The following MCRIP1 variants were observed in gnomAD, a reference collection of about 807,000 sequenced individuals.
MCRIP1 encodes the protein MAPK regulated corepressor interacting protein 1.
A neutral mutation model predicts 14.4 loss-of-function variants in MCRIP1; 10 were observed. The ratio of observed to expected loss-of-function variants is 0.70; its 90% confidence interval spans 0.43 to 1.18. The LOEUF (loss-of-function observed/expected upper bound fraction) is 1.18, where lower values mean the gene tolerates loss of function less well. Ranked by LOEUF, MCRIP1 falls within the 50% of genes most tolerant of loss-of-function variation. The probability of loss-of-function intolerance (pLI) is 0.00; values close to 1 mark genes in which losing one functional copy is unlikely to be tolerated. For synonymous variants in MCRIP1, 53 were observed against 55.7 expected, an observed-to-expected ratio of 0.95 and a Z score of 0.21; for missense variants, 119 against 135.4, an observed-to-expected ratio of 0.88 and a Z score of 0.60.
chr17:81,831,898 G>A (rs1490015529), intron 1 of MCRIP1, among the ~76,000 whole-genome samples: 1 of 152,176 alleles, frequency 6.6e-6, no homozygotes, highest in Non-Finnish European at 1.5e-5. Context: ...ATAGGGAGGG[G>A]AGTCGCATTG....
At chr17:81,828,499 C>T (rs2038456645) in intron 1 of MCRIP1, among the ~76,000 whole-genome samples, 1 of 152,124 alleles carries the variant, frequency 6.6e-6, no homozygotes, top group African/African-American at 2.4e-5. Flanking sequence ...CCATTCTGCT[C>T]CTAGGTACAC....
intron 1 of MCRIP1, chr17:81,825,537 C>T (rs542804506): frequency 3.1e-6 from 4 of 1,278,868 alleles, no homozygotes; most frequent in African/African-American, 3.0e-5. Flanking sequence ...CACACGGCTG[C>T]AGCCCTCACA....
Position 81,823,352 on chromosome 17 carries a change from TCCTGCCCATGAGGCCCGG to T in MCRIP1, c.229+42_230-42del. The T allele has an allele frequency of 6.5e-7, 1 of 1,536,316 alleles. No homozygotes were observed. The highest frequency in any genetic ancestry group is 8.7e-7 in the Non-Finnish European group (1 of 1,146,354). On this transcript the variant is annotated intron_variant, in intron 4 of 4. Transcript: ENST00000455127. The surrounding 1 kb of genome is among the most constrained non-coding windows in gnomAD (Gnocchi z 6.0). ...GCGGTAGGTGGTGGGCACAGGCCCC[TCCTGCCCATGAGGCCCGG>T]CCTGCCGGCCCAGCCCTGCCCCCAG...
At chr17:81,825,547 A>G (rs1598250037) in intron 1 of MCRIP1, 1 of 1,283,000 alleles carries the variant, frequency 7.8e-7, no homozygotes, top group East Asian at 5.6e-5. Flanking sequence ...CAGCCCTCAC[A>G]GAGGGCCAGG....
At chr17:81,830,064 G>A (rs1029786305) in intron 1 of MCRIP1, among the ~76,000 whole-genome samples, 1 of 152,222 alleles carries the variant, frequency 6.6e-6, no homozygotes, top group African/African-American at 2.4e-5. Flanking sequence ...GCATTCTGCA[G>A]GACGTGACTG....
At chr17:81,824,207 C>G in intron 3 of MCRIP1, 80 bp downstream of exon 3, 1 of 1,189,056 alleles carries the variant, frequency 8.4e-7, no homozygotes, top group Admixed American at 2.2e-5. Flanking sequence ...GGAGGTTCCT[C>G]GGAGCGTGGG....
At chr17:81,830,632 C>T (rs984841700) in intron 1 of MCRIP1, among the ~76,000 whole-genome samples, 4 of 151,658 alleles carry the variant, frequency 2.6e-5, no homozygotes, top group Non-Finnish European at 5.9e-5. Flanking sequence ...AGTGAGACTT[C>T]ATCTCAAAAA....
chr17:81,823,493 C>T lies in MCRIP1; in HGVS notation c.148G>A (p.Asp50Asn). 1 of 1,536,468 alleles carries T rather than the reference C, an allele frequency of 6.5e-7. No individual in the cohort carries two copies. The highest frequency in any genetic ancestry group is 8.7e-7 in the Non-Finnish European group (1 of 1,146,768). The part of the protein sequence containing the change: ...IYEAWQGVER[D>N]LRGQVPGGER... ...CCACCCGGCACCTGGCCTCGCAGGT[C>T]TCGCTCCACACCCTGCCAGGCTGCA... is the stretch of plus-strand genomic sequence containing the variant. The change falls in exon 4 of 5, where the codon GAC (aspartate) becomes AAC (asparagine). Residue 50 changes from aspartate (D) to asparagine (N), a missense_variant. Transcript: ENST00000455127. The surrounding 1 kb of genome is among the most constrained non-coding windows in gnomAD (Gnocchi z 6.0).
At position 81,825,630 on chromosome 17, in the gene MCRIP1, A is replaced by G. The variant is rs150014012; in HGVS notation, c.-48-1076T>C. On this transcript the variant is annotated intron_variant, in intron 1 of 4. Transcript: ENST00000455127. ...TGGTCCAGCCCTCAAACACCACGTG[A>G]TAAGAATCCCACGGCTCAAGGGCAA... 71 of 1,289,362 alleles carry G rather than the reference A, an allele frequency of 5.5e-5. No individual in the cohort carries two copies. The East Asian group carries it at 3.6e-3, about 65-fold the overall frequency. The allele number at this position is 1,289,362 out of a possible 1,614,324, so 79.9% of individuals were successfully genotyped here. A position where few individuals can be genotyped will look rare whatever the true frequency, so the allele number is the denominator to read the frequency against.
At chr17:81,826,030 C>G (rs1433489908) in intron 1 of MCRIP1, 1 of 1,408,656 alleles carries the variant, frequency 7.1e-7, no homozygotes, top group East Asian at 3.4e-5. Flanking sequence ...GGGTACCTGC[C>G]TCCCAGCCTG....
Position 81,823,541 on chromosome 17 carries a change from G to C in MCRIP1, c.128-28C>G. ...GCAGAGGCAGAGAGTGGTGTGCTCAGGGCCCCCTGCCCCAGGGGGTGGCAT... is the reference window on the plus strand; with the variant it reads ...GCAGAGGCAGAGAGTGGTGTGCTCACGGCCCCCTGCCCCAGGGGGTGGCAT... On this transcript the variant is annotated intron_variant, in intron 3 of 4. Coordinates refer to ENST00000455127, the MANE Select transcript of MCRIP1 (RefSeq NM_207368.5). The surrounding 1 kb of genome is among the most constrained non-coding windows in gnomAD (Gnocchi z 6.0). 6.5e-7 allele frequency: 1 copy of C among 1,529,306 alleles called. No individual in the cohort carries two copies. Among genetic ancestry groups the C allele is most frequent in the South Asian group, 1.2e-5 (1 of 83,866 alleles). 94.7% of individuals were successfully genotyped at this position (1,529,306 alleles called of 1,614,324 possible). A position where few individuals can be genotyped will look rare whatever the true frequency, so the allele number is the denominator to read the frequency against.
chr17:81,828,661 G>A (rs576629279), intron 1 of MCRIP1, among the ~76,000 whole-genome samples: 142 of 152,228 alleles, frequency 9.3e-4, no homozygotes, highest in Admixed American at 4.9e-3. Flanking sequence ...ACGCAGAGAC[G>A]GACACCAAGC....
intron 1 of MCRIP1, chr17:81,826,486 G>T: frequency 1.1e-6 from 1 of 906,242 alleles, no homozygotes; most frequent in Non-Finnish European, 1.7e-6. Context: ...TCGTGGCACT[G>T]CACTCCAGCC....
Position 81,822,963 on chromosome 17 carries a change from C to T in MCRIP1, c.*284G>A. 1 of 580,058 alleles carries T rather than the reference C, an allele frequency of 1.7e-6. No individual in the cohort carries two copies. Among genetic ancestry groups the T allele is most frequent in the Non-Finnish European group, 3.1e-6 (1 of 324,828 alleles). The allele number at this position is 580,058 out of a possible 1,614,324, so 35.9% of individuals were successfully genotyped here. A position where few individuals can be genotyped will look rare whatever the true frequency, so the allele number is the denominator to read the frequency against. ...GAGAGGAGAGAGGTCAGGTCAGGGC[C>T]CCTGGGGGCCAGGCAGCTTCAAAAA... On this transcript the variant is annotated 3_prime_UTR_variant, in exon 5 of 5. Transcript: ENST00000455127.
chr17:81,826,978 T>C (rs2038416829), intron 1 of MCRIP1, among the ~76,000 whole-genome samples: 1 of 150,098 alleles, frequency 6.7e-6, no homozygotes, highest in South Asian at 2.1e-4. Flanking sequence ...ATTAGCTGGA[T>C]GTGGTGGTGG....
intron 1 of MCRIP1, among the ~76,000 whole-genome samples, chr17:81,831,047 C>T (rs1236808286): frequency 6.6e-6 from 1 of 151,884 alleles, no homozygotes; most frequent in Non-Finnish European, 1.5e-5. Context: ...TGGCACATGC[C>T]TGTAGTCCCA....
Position 81,823,347 on chromosome 17 carries a change from GCCCCTCC to G in MCRIP1, c.230-43_230-37del. ...ACAACGCGGTAGGTGGTGGGCACAG[GCCCCTCC>G]TGCCCATGAGGCCCGGCCTGCCGGC... is the stretch of plus-strand genomic sequence containing the variant. On this transcript the variant is annotated intron_variant, in intron 4 of 4. Coordinates refer to ENST00000455127, the MANE Select transcript of MCRIP1 (RefSeq NM_207368.5). This position sits in a 1 kb window ranked among gnomAD's most constrained non-coding sequence, Gnocchi z 6.0. 6.5e-7 allele frequency: 1 copy of G among 1,536,474 alleles called. No homozygotes were observed. Among genetic ancestry groups the G allele is most frequent in the South Asian group, 1.2e-5 (1 of 84,048 alleles).
intron 1 of MCRIP1, chr17:81,825,379 T>C (rs2143215470): frequency 1.7e-6 from 2 of 1,183,808 alleles, no homozygotes; most frequent in Non-Finnish European, 2.1e-6. Flanking sequence ...GTGGGGAAGC[T>C]GACAGGGCTG....
At chr17:81,830,324 A>G (rs2038491429) in intron 1 of MCRIP1, among the ~76,000 whole-genome samples, 1 of 152,220 alleles carries the variant, frequency 6.6e-6, no homozygotes, top group Non-Finnish European at 1.5e-5. Context: ...GTATGGTTCA[A>G]CTGGATGCTG....
Sources: gnomAD v4.1 joint callset for allele counts (sites outside exome capture counted in the v4.1 genomes callset) on GRCh38, gnomAD v4.1.1 for gene constraint, Gnocchi (gnomAD v3.1) non-coding constraint, MANE v1.5 for transcripts, NCBI Gene and HGNC (gene_info 2026-07-23, HGNC 2026-07-21) for gene names.